Variants in MAP6 observed in about 807,000 individuals in gnomAD.
MAP6 encodes microtubule associated protein 6.
Under a neutral mutation model 42.4 loss-of-function variants are expected in MAP6, and 26 were observed. The ratio of observed to expected loss-of-function variants is 0.61; its 90% CI spans 0.45 to 0.85. The LOEUF is 0.85. MAP6 is among the 40% of genes least tolerant of loss of function. The pLI, the probability that MAP6 is intolerant of heterozygous loss-of-function variation, is 0.00. For synonymous variants in MAP6, 418 were observed against 443.8 expected (o/e 0.94, Z 0.73); for missense variants, 966 against 1,099.0 (o/e 0.88, Z 1.71).
At chr11:75,631,473 C>A (rs1943282840) in intron 1 of MAP6, among the ~76,000 whole-genome samples, 1 of 152,160 alleles carries the variant, frequency 6.6e-6, no homozygotes. Flanking sequence ...CCCTCTCCCA[C>A]TCCCCTCCTC....
intron 3 of MAP6, among the ~76,000 whole-genome samples, chr11:75,595,969 T>C (rs931602596): frequency 6.6e-6 from 1 of 152,224 alleles, no homozygotes; most frequent in Non-Finnish European, 1.5e-5. Context: ...TGGCACATGG[T>C]AGGAGGCCTA....
At chr11:75,613,017 G>A (rs1344853781) in intron 1 of MAP6, among the ~76,000 whole-genome samples, 3 of 152,144 alleles carry the variant, frequency 2.0e-5, no homozygotes, top group Admixed American at 6.5e-5. Context: ...AGTCTCATTT[G>A]CATGGCTGCA....
chr11:75,666,791 G>A lies in MAP6; in HGVS notation c.905+674C>T, dbSNP rs1943955560. 2.0e-5 allele frequency among the ~76,000 whole-genome samples: 3 copies of A among 152,336 alleles called. No individual in the cohort carries two copies. In the South Asian group the frequency reaches 6.2e-4, roughly 32 times the overall value. On this transcript the variant is annotated intron_variant, in intron 1 of 3. Transcript: ENST00000304771. ...AAAAGTGTGAACAATCCTAAGAGATGTCTATTACCAATTACATCTTACAGA... is the reference window on the plus strand; with the variant it reads ...AAAAGTGTGAACAATCCTAAGAGATATCTATTACCAATTACATCTTACAGA...
In MAP6 at chr11:75,651,060, A is replaced by G. The variant is rs11236477; in HGVS notation, c.905+16405T>C. Among the ~76,000 whole-genome samples, 44 of 152,328 alleles carry G rather than the reference A, an allele frequency of 2.9e-4. No homozygotes were observed. The East Asian group carries it at 8.1e-3, about 28-fold the overall frequency. ...TCACATTTCTCCCTACTATTGAAGTAGGAGCTGACACAGAGTAAATCAGCA... is the reference window on the plus strand; with the variant it reads ...TCACATTTCTCCCTACTATTGAAGTGGGAGCTGACACAGAGTAAATCAGCA... On this transcript the variant is annotated intron_variant, in intron 1 of 3. Transcript: ENST00000304771.
At chr11:75,603,169 A>C (rs1172160049) in intron 3 of MAP6, 1 of 985,374 alleles carries the variant, frequency 1.0e-6, no homozygotes, top group Non-Finnish European at 1.2e-6. Context: ...GAGGGAAGCC[A>C]ATGCGCAGCT....
At chr11:75,605,041 G>A in intron 3 of MAP6, 8 of 985,508 alleles carry the variant, frequency 8.1e-6, no homozygotes, top group Non-Finnish European at 9.6e-6. Flanking sequence ...CGGCCGAGGA[G>A]AATCAGAGGA....
chr11:75,638,158 G>T (rs955009961), intron 1 of MAP6, among the ~76,000 whole-genome samples: 8 of 145,958 alleles, frequency 5.5e-5, no homozygotes, highest in African/African-American at 2.3e-4. Flanking sequence ...TCTGCCCAGT[G>T]CTCTCCTCAC....
At chr11:75,658,464 TG>T (rs1943790395) in intron 1 of MAP6, among the ~76,000 whole-genome samples, 1 of 152,084 alleles carries the variant, frequency 6.6e-6, no homozygotes, top group Non-Finnish European at 1.5e-5. Flanking sequence ...TCTCCCTTTC[TG>T]CCTACTTTCA....
intron 1 of MAP6, among the ~76,000 whole-genome samples, chr11:75,658,427 AC>A (rs1943790025): frequency 2.0e-5 from 3 of 151,746 alleles, no homozygotes; most frequent in Non-Finnish European, 4.4e-5. Context: ...CAAAACATGA[AC>A]CCTAGAAACA....
intron 1 of MAP6, among the ~76,000 whole-genome samples, chr11:75,627,487 T>G (rs1027429091): frequency 3.3e-5 from 5 of 152,326 alleles, no homozygotes; most frequent in Admixed American, 3.3e-4. Context: ...TGTCTTTGTG[T>G]GTGTGTGCTC....
chr11:75,619,363 AT>A (rs1301827467), intron 1 of MAP6, among the ~76,000 whole-genome samples: 4 of 151,936 alleles, frequency 2.6e-5, no homozygotes, highest in Non-Finnish European at 5.9e-5. Flanking sequence ...TATCTTTTTT[AT>A]TTGTTATTTA....
chr11:75,605,932 T>C lies in MAP6; in HGVS notation c.1192A>G (p.Lys398Glu), dbSNP rs975071727. The C allele has an allele frequency of 6.2e-7, 1 of 1,614,194 alleles. No individual in the cohort carries two copies. Among genetic ancestry groups the C allele is most frequent in the Non-Finnish European group, 8.5e-7 (1 of 1,180,036 alleles). ...TGGCCTGACACCGCCTGCTTGTCTT[T>C]GGCCTTCCTCGTGGGCTTATGGCTC... ...SASHKPTRKAKDKQAVSGQAA... is the reference protein window; with the variant it reads ...SASHKPTRKAEDKQAVSGQAA... Residue 398 changes from lysine to glutamate, a missense_variant, in exon 3 of 4, where the codon AAA becomes GAA. Coordinates refer to ENST00000304771, the MANE Select transcript of MAP6 (RefSeq NM_033063.2).
chr11:75,594,405 G>A (rs1013101637), intron 3 of MAP6: 9 of 152,222 alleles, frequency 5.9e-5, no homozygotes. Context: ...CAGCTGCCAA[G>A]GGGGATTGCC....
chr11:75,607,542 C>T (rs1479870861), intron 2 of MAP6: 41 of 985,308 alleles, frequency 4.2e-5, no homozygotes, highest in Non-Finnish European at 4.8e-5. Flanking sequence ...GTAACAAATG[C>T]TGGGAACATA....
chr11:75,659,846 G>A (rs1298988437), intron 1 of MAP6, among the ~76,000 whole-genome samples: 1 of 152,178 alleles, frequency 6.6e-6, no homozygotes, highest in East Asian at 1.9e-4. Context: ...TGTTGATTTA[G>A]AACTATCACT....
chr11:75,620,958 G>A (rs931080785), intron 1 of MAP6, among the ~76,000 whole-genome samples: 1 of 152,052 alleles, frequency 6.6e-6, no homozygotes, highest in Non-Finnish European at 1.5e-5. Flanking sequence ...GTGAAACCCC[G>A]TCTCTACTAA....
chr11:75,629,592 TC>T (rs1181730267), intron 1 of MAP6, among the ~76,000 whole-genome samples: 2 of 152,228 alleles, frequency 1.3e-5, no homozygotes, highest in African/African-American at 4.8e-5. Context: ...GACTTTATAT[TC>T]TTATATTCTT....
intron 1 of MAP6, among the ~76,000 whole-genome samples, chr11:75,611,002 C>T (rs1331902213): frequency 6.6e-6 from 1 of 152,202 alleles, no homozygotes; most frequent in African/African-American, 2.4e-5. Context: ...CCTCACTTCT[C>T]CACTTTCTTT....
At chr11:75,607,668 A>G in intron 2 of MAP6, 1 of 985,252 alleles carries the variant, frequency 1.0e-6, no homozygotes, top group Non-Finnish European at 1.2e-6. Context: ...GAGGGAAGAA[A>G]GGGTCCAGTG....
Sources: gnomAD v4.1 joint callset for allele counts (sites outside exome capture counted in the v4.1 genomes callset) on GRCh38, gnomAD v4.1.1 for gene constraint, MANE v1.5 for transcripts, NCBI Gene and HGNC (gene_info 2026-07-23, HGNC 2026-07-21) for gene names.